The following PAAF1 variants were observed in gnomAD, a reference collection of about 807,000 sequenced individuals.
The protein encoded by PAAF1 is proteasomal ATPase associated factor 1, also known as proteasomal ATPase-associated factor 1.
PAAF1 carries 46 observed loss-of-function variants against 52.8 expected under a neutral mutation model. The observed-to-expected ratio is 0.87, with a 90% CI of 0.69 to 1.11. The LOEUF (loss-of-function observed/expected upper bound fraction) is 1.11. Among genes scored for constraint, PAAF1 ranks in the 50% most tolerant of loss-of-function variants. The pLI, the probability that PAAF1 is intolerant of heterozygous loss-of-function variation, is 0.00. For synonymous variants in PAAF1, 178 were observed against 172.8 expected (o/e 1.03, Z -0.24); for missense variants, 424 against 477.4 (o/e 0.89, Z 1.04).
intron 3 of PAAF1, 122 bp from the exon 4 acceptor site, chr11:73,890,990 G>A (rs2135146198): frequency 3.2e-6 from 2 of 628,738 alleles, no homozygotes; most frequent in Non-Finnish European, 5.6e-6. Flanking sequence ...AAAGGAGAAC[G>A]AGAGAGGGTA....
upstream of PAAF1, chr11:73,876,862 G>T: frequency 1.4e-6 from 1 of 704,804 alleles, no homozygotes; most frequent in Non-Finnish European, 2.1e-6. Flanking sequence ...CCAGCCCCTC[G>T]TGGGGAGCGT....
At chr11:73,885,736 G>A (rs1949042155) in intron 2 of PAAF1, among the ~76,000 whole-genome samples, 3 of 151,620 alleles carry the variant, frequency 2.0e-5, no homozygotes, top group Admixed American at 2.0e-4. Flanking sequence ...CAGGTACTTG[G>A]GAGGCTGAGT....
chr11:73,922,651 A>T (rs1351749548), intron 10 of PAAF1, among the ~76,000 whole-genome samples: 1 of 152,066 alleles, frequency 6.6e-6, no homozygotes, highest in Non-Finnish European at 1.5e-5. Context: ...CCCCGTCTCT[A>T]CTAAAAATAC....
chr11:73,908,286 T>C (rs1264208270), intron 6 of PAAF1, among the ~76,000 whole-genome samples: 1 of 131,404 alleles, frequency 7.6e-6, no homozygotes, highest in East Asian at 2.0e-4. Context: ...TGTATATATG[T>C]ATATATATGT....
At chr11:73,876,767 G>C, upstream of PAAF1, 1 of 369,952 alleles carries the variant, frequency 2.7e-6, no homozygotes, top group Non-Finnish European at 4.9e-6. Context: ...CGAACAGGTG[G>C]GAGAAGAGGG....
chr11:73,905,379 A>G (rs1949728459), intron 6 of PAAF1, among the ~76,000 whole-genome samples: 1 of 152,076 alleles, frequency 6.6e-6, no homozygotes, highest in African/African-American at 2.4e-5. Flanking sequence ...ACACGCCACC[A>G]TGCCCGGCTA....
intron 3 of PAAF1, chr11:73,889,148 C>G (rs1280774401): frequency 6.6e-7 from 1 of 1,508,900 alleles, no homozygotes; most frequent in Admixed American, 2.0e-5. Flanking sequence ...TGGGTGCTGA[C>G]TTCTTTCTTC....
intron 4 of PAAF1, among the ~76,000 whole-genome samples, chr11:73,892,401 A>G (rs550140843): frequency 1.3e-5 from 2 of 151,898 alleles, no homozygotes; most frequent in East Asian, 3.9e-4. Context: ...ATACTTAGTG[A>G]TGAAAATTTA....
chr11:73,927,260 T>G (rs755036287), intron 11 of PAAF1, 25 bp from the exon 12 acceptor site: 11 of 1,581,326 alleles, frequency 7.0e-6, no homozygotes, highest in Middle Eastern at 1.7e-4. Flanking sequence ...AGGCTTCCTT[T>G]GAACTGTGAA....
chr11:73,914,895 G>A (rs755064556), intron 8 of PAAF1, among the ~76,000 whole-genome samples: 23 of 151,858 alleles, frequency 1.5e-4, no homozygotes, highest in Admixed American at 1.0e-3. Flanking sequence ...CAGTAGAGAC[G>A]GGGTTTCACC....
intron 10 of PAAF1, chr11:73,922,282 G>T (rs1238884684): frequency 5.6e-6 from 3 of 533,778 alleles, no homozygotes; most frequent in Non-Finnish European, 1.1e-5. Context: ...ATAACTTCCA[G>T]TACTGATGTC....
intron 9 of PAAF1, among the ~76,000 whole-genome samples, chr11:73,917,592 C>G (rs1950101140): frequency 6.6e-6 from 1 of 152,202 alleles, no homozygotes; most frequent in African/African-American, 2.4e-5. Flanking sequence ...AGGCTCTGGG[C>G]TGGGCGTGGT....
intron 4 of PAAF1, among the ~76,000 whole-genome samples, chr11:73,898,526 A>T (rs1056896303): frequency 8.5e-5 from 13 of 152,136 alleles, no homozygotes; most frequent in African/African-American, 3.1e-4. Flanking sequence ...TCTTAATTTT[A>T]AAATAAAATA....
intron 2 of PAAF1, among the ~76,000 whole-genome samples, chr11:73,885,841 T>C (rs1445185627): frequency 1.9e-5 from 2 of 107,628 alleles, no homozygotes; most frequent in Admixed American, 9.8e-5. Context: ...AAACTCCATC[T>C]CAAAAAAAAA....
intron 4 of PAAF1, among the ~76,000 whole-genome samples, chr11:73,893,952 G>A (rs977858806): frequency 6.6e-6 from 1 of 151,736 alleles, no homozygotes; most frequent in African/African-American, 2.4e-5. Context: ...CCAGCTAGTC[G>A]CCTGGCTTAA....
intron 4 of PAAF1, among the ~76,000 whole-genome samples, chr11:73,891,826 A>G (rs1254292674): frequency 6.6e-6 from 1 of 152,190 alleles, no homozygotes; most frequent in African/African-American, 2.4e-5. Context: ...GCTGCTGCTC[A>G]TATTTTATTC....
At position 73,887,442 on chromosome 11, in the gene PAAF1, G is replaced by A. The variant is rs774067420; in HGVS notation, c.177G>A (p.Val59=). ...TTACAGCTTCAGAAGGATTTACTGT[G>A]AATGAAATAAACAAGGTATGTTTTT... is the stretch of plus-strand genomic sequence containing the variant. ...PEVTASEGFT[V]NEINKKSIHI... Residue 59 remains valine (V), a synonymous_variant, in exon 3 of 12, where the codon GTG becomes GTA. Transcript: ENST00000310571. The A allele has an allele frequency of 2.3e-5, 36 of 1,599,412 alleles. No homozygotes were observed. The highest frequency in any genetic ancestry group is 2.8e-5 in the Non-Finnish European group (33 of 1,175,270).
At chr11:73,895,013 AT>A (rs1157633022) in intron 4 of PAAF1, among the ~76,000 whole-genome samples, 3 of 152,114 alleles carry the variant, frequency 2.0e-5, no homozygotes, top group Non-Finnish European at 2.9e-5. Context: ...CTCCTTTTCT[AT>A]TTCTTATTCT....
At chr11:73,914,985 G>A (rs145643997) in intron 8 of PAAF1, among the ~76,000 whole-genome samples, 3 of 152,238 alleles carry the variant, frequency 2.0e-5, no homozygotes, top group Non-Finnish European at 2.9e-5. Flanking sequence ...GAGTACAGAT[G>A]TGAGCCACTG....
Sources: allele counts gnomAD v4.1 joint callset (sites outside exome capture counted in the v4.1 genomes callset), GRCh38; gene constraint gnomAD v4.1.1; transcripts MANE v1.5; gene names NCBI Gene and HGNC (gene_info 2026-07-23, HGNC 2026-07-21).